Variants in PABPC1L observed in about 807,000 individuals in gnomAD.
PABPC1L encodes polyadenylate-binding protein 1-like.
In PABPC1L, 31 loss-of-function variants were observed where a neutral mutation model predicts 66.6. The observed-to-expected ratio is 0.47, with a 90% CI of 0.35 to 0.63. The LOEUF is 0.63. Among genes scored for constraint, PABPC1L ranks in the 20% least tolerant of loss-of-function variants. The pLI, the probability that PABPC1L is intolerant of heterozygous loss-of-function variation, is 0.00. For missense variants in PABPC1L, 722 were observed against 848.8 expected, an observed-to-expected ratio of 0.85 and a Z score of 1.86; for synonymous variants, 348 against 335.1, an observed-to-expected ratio of 1.04 and a Z score of -0.42.
Position 44,930,637 on chromosome 20 carries a change from C to T in PABPC1L, c.1150C>T (p.Gln384Ter), listed in dbSNP as rs774780363. 6.2e-7 allele frequency: 1 copy of T among 1,614,124 alleles called. No individual in the cohort carries two copies. The highest frequency in any genetic ancestry group is 1.1e-5 in the South Asian group (1 of 91,090). ...RKAILTNQYM[Q>*]RLSTMRTLSN... ...GGCCATCTTGACCAACCAGTACATGCAGCGCCTCTCCACCATGCGGACCCT... is the reference window on the plus strand; with the variant it reads ...GGCCATCTTGACCAACCAGTACATGTAGCGCCTCTCCACCATGCGGACCCT... Residue 384 changes from glutamine (Q) to a stop codon, truncating the protein, a stop_gained, in exon 8 of 15, where the codon CAG (glutamine) becomes TAG (stop). Coordinates refer to ENST00000217073, the MANE Select transcript of PABPC1L (RefSeq NM_001372179.1). LOFTEE classifies it high-confidence loss of function.
At position 44,933,108 on chromosome 20, in the gene PABPC1L, GC is replaced by G. The variant is rs1555799915; in HGVS notation, c.1388del (p.Pro463ArgfsTer24). The G allele has an allele frequency of 6.2e-6, 10 of 1,606,410 alleles. No homozygotes were observed. The Admixed American group carries it at 6.8e-5, about 11-fold the overall frequency. On this transcript the variant is annotated frameshift_variant, in exon 10 of 15. Transcript: ENST00000217073. LOFTEE classifies it high-confidence loss of function. Reference sequence around the variant, plus strand: ...GTCCGGCCACCAGTTGTGCCTCGGCGCCCCCCGGCCCACATCAGCAGTGTCA... The same window carrying G: ...GTCCGGCCACCAGTTGTGCCTCGGCGCCCCCGGCCCACATCAGCAGTGTCA... ...SMVRPPVVPR[R>X]PPAHISSVRQ...
intron 11 of PABPC1L, among the ~76,000 whole-genome samples, chr20:44,935,725 T>A (rs982692365): frequency 6.6e-6 from 1 of 152,240 alleles, no homozygotes; most frequent in African/African-American, 2.4e-5. Context: ...CAAAATTAAT[T>A]TGGATATCCT....
intron 8 of PABPC1L, among the ~76,000 whole-genome samples, chr20:44,931,061 T>TCCCTCTC (rs1282860176): frequency 4.3e-4 from 5 of 11,698 alleles, no homozygotes; most frequent in Middle Eastern, 0.056. Context: ...TTCCCTTCCC[T>TCCCTCTC]TCCCTCCCTC....
rs370029272 is a variant in PABPC1L at position 44,918,999 on chromosome 20, G to A, written c.597G>A (p.Pro199=). ...EFTNIYVKNL[P]VDVDEQGLQD... ...CCAACATCTACGTGAAGAACCTCCC[G>A]GTGGATGTGGACGAGCAAGGCCTGC... The change falls in exon 4 of 15, where the codon CCG becomes CCA. Residue 199 remains proline (P), a synonymous_variant. Transcript: ENST00000217073. 90 of 1,613,518 alleles carry A rather than the reference G, an allele frequency of 5.6e-5. No homozygotes were observed. Among genetic ancestry groups the A allele is most frequent in the Admixed American group, 8.3e-5 (5 of 59,950 alleles).
At chr20:44,910,592 G>A (rs1408908008) in intron 1 of PABPC1L, among the ~76,000 whole-genome samples, 1 of 152,024 alleles carries the variant, frequency 6.6e-6, no homozygotes, top group African/African-American at 2.4e-5. Context: ...GTGGGGGTGG[G>A]GGTGGGGGTC....
chr20:44,924,217 G>A lies in PABPC1L; in HGVS notation c.933G>A (p.Arg311=), dbSNP rs199510788. ...LDDSIDDDKL[R]KEFSPYGVIT... ...ACTCCATTGATGACGACAAACTGAG[G>A]AAAGAGTTCTCTCCCTATGGAGTAA... is the stretch of plus-strand genomic sequence containing the variant. Residue 311 remains arginine (R), a synonymous_variant, in exon 7 of 15, where the codon AGG becomes AGA. Coordinates refer to ENST00000217073, the MANE Select transcript of PABPC1L (RefSeq NM_001372179.1). 1.6e-5 allele frequency: 26 copies of A among 1,613,940 alleles called. No homozygotes were observed. The highest frequency in any genetic ancestry group is 2.1e-5 in the Non-Finnish European group (25 of 1,179,944).
intron 10 of PABPC1L, 23 bp from the exon 11 acceptor site, chr20:44,935,368 T>C: frequency 6.3e-7 from 1 of 1,590,662 alleles, no homozygotes; most frequent in Non-Finnish European, 8.6e-7. Context: ...GCTTTTTTTG[T>C]TTTGTTTTGT....
rs531105246 is a variant in PABPC1L, at chr20:44,935,728, G to T, written c.1566+231G>T. Among the ~76,000 whole-genome samples the T allele has an allele frequency of 3.3e-4, 50 of 152,258 alleles. 1 individual carries two copies. In the South Asian group the frequency reaches 9.7e-3, roughly 30 times the overall value. ...TTCGGTTATTACCAAAATTAATTTG[G>T]ATATCCTTAGTATTTGTGATGAACA... On this transcript the variant is annotated intron_variant, in intron 11 of 14. Coordinates refer to ENST00000217073, the MANE Select transcript of PABPC1L (RefSeq NM_001372179.1).
At chr20:44,917,604 C>T (rs2066746174) in intron 3 of PABPC1L, among the ~76,000 whole-genome samples, 1 of 152,090 alleles carries the variant, frequency 6.6e-6, no homozygotes, top group Non-Finnish European at 1.5e-5. Flanking sequence ...CGATATCATC[C>T]CCACTACACA....
Position 44,932,473 on chromosome 20 carries a change from G to C in PABPC1L, c.1330+41G>C, listed in dbSNP as rs371094566. ...CCTTCCACTCTCAGACTGGCCTATT[G>C]GTGTGGGCCCCGTGAGGCAGTCATA... On this transcript the variant is annotated intron_variant, in intron 9 of 14. Transcript: ENST00000217073. The C allele has an allele frequency of 1.3e-5, 20 of 1,546,692 alleles. No individual in the cohort carries two copies. In the East Asian group the frequency reaches 4.6e-4, roughly 35 times the overall value.
At chr20:44,921,817 T>C (rs879348675) in intron 6 of PABPC1L, 86 bp downstream of exon 6, 5 of 1,579,164 alleles carry the variant, frequency 3.2e-6, no homozygotes, top group Non-Finnish European at 4.3e-6. Flanking sequence ...TTTCTTCTAG[T>C]GATCCTACTT....
At chr20:44,936,974 G>A (rs2066906027) in intron 12 of PABPC1L, 5 of 617,416 alleles carry the variant, frequency 8.1e-6, no homozygotes, top group South Asian at 6.1e-5. Context: ...CTGTGACTTT[G>A]AGGTTGGGAG....
At chr20:44,925,939 G>A (rs908642828) in intron 7 of PABPC1L, among the ~76,000 whole-genome samples, 6 of 152,086 alleles carry the variant, frequency 3.9e-5, no homozygotes, top group African/African-American at 1.4e-4. Context: ...TTTGCTTTTC[G>A]GACCTTGTTT....
At chr20:44,921,498 C>T (rs997327277) in intron 5 of PABPC1L, 96 bp from the exon 6 acceptor site, 69 of 1,511,458 alleles carry the variant, frequency 4.6e-5, no homozygotes, top group Admixed American at 6.2e-5. Context: ...TGTGGCCAGC[C>T]TGGTTTGCAG....
At chr20:44,918,182 C>T (rs59468988) in intron 3 of PABPC1L, among the ~76,000 whole-genome samples, 1,836 of 152,158 alleles carry the variant, frequency 0.012, 31 homozygotes, top group African/African-American at 0.039. Flanking sequence ...AAGAATTAGC[C>T]ATGCGTGGTG....
intron 4 of PABPC1L, 43 bp downstream of exon 4, chr20:44,919,088 T>C (rs374126268): frequency 7.9e-5 from 128 of 1,611,550 alleles, no homozygotes; most frequent in Non-Finnish European, 9.8e-5. Flanking sequence ...CTGTTTTTCC[T>C]CTTCCCTTCC....
intron 10 of PABPC1L, among the ~76,000 whole-genome samples, chr20:44,934,677 A>G (rs891861325): frequency 2.6e-5 from 4 of 152,200 alleles, no homozygotes; most frequent in Non-Finnish European, 4.4e-5. Flanking sequence ...AGGCTAAATA[A>G]TATTCCATTG....
chr20:44,917,970 A>T (rs2066748553), intron 3 of PABPC1L, among the ~76,000 whole-genome samples: 1 of 152,076 alleles, frequency 6.6e-6, no homozygotes, highest in South Asian at 2.1e-4. Flanking sequence ...ATTTATTATT[A>T]TTTTTTTAAT....
chr20:44,924,197 A>G lies in PABPC1L; in HGVS notation c.913A>G (p.Ile305Val), dbSNP rs777988772. Residue 305 changes from isoleucine (I) to valine (V), a missense_variant, in exon 7 of 15, where the codon ATT becomes GTT. By Grantham distance (29) the Ile-to-Val change is conservative. Transcript: ENST00000217073. ...NLYVKNLDDS[I>V]DDDKLRKEFS... ...GTATGTGAAGAATCTGGACGACTCCATTGATGACGACAAACTGAGGAAAGA... is the reference window on the plus strand; with the variant it reads ...GTATGTGAAGAATCTGGACGACTCCGTTGATGACGACAAACTGAGGAAAGA... The G allele has an allele frequency of 6.2e-7, 1 of 1,614,070 alleles. No homozygotes were observed. Among genetic ancestry groups the G allele is most frequent in the South Asian group, 1.1e-5 (1 of 91,078 alleles).
Sources: allele counts gnomAD v4.1 joint callset (sites outside exome capture counted in the v4.1 genomes callset), GRCh38; gene constraint gnomAD v4.1.1; transcripts MANE v1.5; gene names NCBI Gene and HGNC (gene_info 2026-07-23, HGNC 2026-07-21).